The following STMN3 variants were observed in gnomAD, a reference collection of about 807,000 sequenced individuals.
STMN3 encodes stathmin 3.
Under a neutral mutation model 23.2 loss-of-function variants are expected in STMN3, and 24 were observed. The observed-to-expected ratio is 1.03, with a 90% CI of 0.75 to 1.45. The LOEUF is 1.45. STMN3 is among the 40% of genes most tolerant of loss of function. The pLI is 0.00. For synonymous variants in STMN3, 117 were observed against 103.4 expected (o/e 1.13, Z -0.80); for missense variants, 235 against 237.6 (o/e 0.99, Z 0.07).
At position 63,640,904 on chromosome 20, in the gene STMN3, CCTT is replaced by C. The variant is rs1330455223; in HGVS notation, c.*431_*433del. ...CGTCGCCCCTCCCTCATGGGGAGCC[CCTT>C]CCCCCTGGAAAGACAGCAGGTACTG... On this transcript the variant is annotated 3_prime_UTR_variant, in exon 5 of 5. Transcript: ENST00000370053. 3.7e-5 allele frequency: 10 copies of C among 271,334 alleles called. 1 individual carries two copies. The East Asian group carries it at 7.1e-4, about 19-fold the overall frequency. 16.8% of individuals were successfully genotyped at this position (271,334 alleles called of 1,614,324 possible).
intron 3 of STMN3, among the ~76,000 whole-genome samples, chr20:63,642,874 AACCCTGGT>A (rs1339142225): frequency 6.6e-6 from 1 of 152,110 alleles, no homozygotes; most frequent in Non-Finnish European, 1.5e-5. Flanking sequence ...CAGCCCTGTG[AACCCTGGT>A]CTCTGGCCTC....
rs2089759347 is a variant in STMN3 at position 63,641,280 on chromosome 20, A to G, written c.*58T>C. ...TTGCATCTAGACAGAGGTGAACGAA[A>G]CAAAACCAAAACCCGAACGTGTTCT... On this transcript the variant is annotated 3_prime_UTR_variant, in exon 5 of 5. Coordinates refer to ENST00000370053, the MANE Select transcript of STMN3 (RefSeq NM_015894.4). 3.9e-6 allele frequency: 6 copies of G among 1,520,108 alleles called. No homozygotes were observed. The East Asian group carries it at 7.3e-5, about 19-fold the overall frequency. The allele number at this position is 1,520,108 out of a possible 1,614,324, so 94.2% of individuals were successfully genotyped here. A position where few individuals can be genotyped will look rare whatever the true frequency, so the allele number is the denominator to read the frequency against.
At chr20:63,647,399 G>T (rs1334555856) in intron 1 of STMN3, among the ~76,000 whole-genome samples, 2 of 150,724 alleles carry the variant, frequency 1.3e-5, no homozygotes, top group African/African-American at 4.9e-5. Context: ...GGCAGATCAT[G>T]AGGTCAGGAG....
At chr20:63,643,493 C>T (rs534980524) in intron 3 of STMN3, among the ~76,000 whole-genome samples, 1 of 152,160 alleles carries the variant, frequency 6.6e-6, no homozygotes, top group Non-Finnish European at 1.5e-5. Flanking sequence ...GTTGGCCAGG[C>T]TGATCTTGAA....
intron 1 of STMN3, among the ~76,000 whole-genome samples, chr20:63,650,228 T>C (rs570940187): frequency 4.3e-4 from 63 of 147,008 alleles, no homozygotes; most frequent in Non-Finnish European, 7.6e-4. Flanking sequence ...ATCCTTCCCC[T>C]TCACTGACTT....
In STMN3 at chr20:63,652,869, C is replaced by G; in HGVS notation, c.19+458G>C. The G allele has an allele frequency of 1.1e-6, 1 of 876,006 alleles. No homozygotes were observed. The allele number at this position is 876,006 out of a possible 1,614,324, so 54.3% of individuals were successfully genotyped here. A position where few individuals can be genotyped will look rare whatever the true frequency, so the allele number is the denominator to read the frequency against. ...CCCTGTGCTGCACTGGCGCGGGGAG[C>G]GCCGGGTTCCCGGCTGGGGCTTTGG... On this transcript the variant is annotated intron_variant, in intron 1 of 4. Transcript: ENST00000370053. This position sits in a 1 kb window ranked among gnomAD's most constrained non-coding sequence, Gnocchi z 5.3.
chr20:63,650,553 T>C (rs192840954), intron 1 of STMN3, among the ~76,000 whole-genome samples: 1,501 of 106,332 alleles, frequency 0.014, 100 homozygotes, highest in African/African-American at 0.057. Context: ...CGCCCACCCC[T>C]CCCGTCGCCC....
chr20:63,640,885 C>T lies in STMN3; in HGVS notation c.*453G>A. 4.0e-6 allele frequency: 1 copy of T among 250,912 alleles called. No homozygotes were observed. The highest frequency in any genetic ancestry group is 3.8e-5 in the South Asian group (1 of 26,172). 15.5% of individuals were successfully genotyped at this position (250,912 alleles called of 1,614,324 possible). A position where few individuals can be genotyped will look rare whatever the true frequency, so the allele number is the denominator to read the frequency against. On this transcript the variant is annotated 3_prime_UTR_variant, in exon 5 of 5. Transcript: ENST00000370053. ...CACCATCACCCCCCTCCCCCGTCGC[C>T]CCTCCCTCATGGGGAGCCCCTTCCC...
Position 63,647,991 on chromosome 20 carries a change from T to TATATATATATACAC in STMN3, c.20-3683_20-3682insGTGTATATATATAT, listed in dbSNP as rs1288050001. Among the ~76,000 whole-genome samples the TATATATATATACAC allele has an allele frequency of 5.5e-3, 420 of 75,860 alleles. 26 individuals are homozygous for TATATATATATACAC. Among genetic ancestry groups the TATATATATATACAC allele is most frequent in the African/African-American group, 0.01 (207 of 20,610 alleles). 49.8% of individuals were successfully genotyped at this position (75,860 alleles called of 152,430 possible). ...ATATATATATATATACATATATATA[T>TATATATATATACAC]ACAGAGAGAGAGAGAGTAGTGATAG... On this transcript the variant is annotated intron_variant, in intron 1 of 4. Transcript: ENST00000370053.
chr20:63,641,820 G>GCGCCCCTCCGAGCTC (rs1158860871), intron 4 of STMN3, among the ~76,000 whole-genome samples: 4 of 111,596 alleles, frequency 3.6e-5, no homozygotes, highest in Non-Finnish European at 7.5e-5. Flanking sequence ...GCCCCGCTCT[G>GCGCCCCTCCGAGCTC]CGCCCCTCCG....
At chr20:63,647,831 C>T (rs1281718209) in intron 1 of STMN3, among the ~76,000 whole-genome samples, 4 of 113,304 alleles carry the variant, frequency 3.5e-5, no homozygotes, top group African/African-American at 9.5e-5. Flanking sequence ...AATATATATA[C>T]GTATATATGT....
intron 1 of STMN3, among the ~76,000 whole-genome samples, chr20:63,646,650 G>GC (rs879277703): frequency 9.9e-5 from 15 of 152,004 alleles, no homozygotes; most frequent in Admixed American, 2.6e-4. Context: ...ACTGTGCCTG[G>GC]CCTACTTTAT....
Position 63,643,811 on chromosome 20 carries a change from T to C in STMN3, c.236A>G (p.Asp79Gly), listed in dbSNP as rs1178359868. The C allele has an allele frequency of 1.6e-5, 25 of 1,561,330 alleles. No individual in the cohort carries two copies. Among genetic ancestry groups the C allele is most frequent in the Admixed American group, 2.2e-5 (1 of 45,364 alleles). Residue 79 changes from aspartate to glycine, a missense_variant, in exon 3 of 5, where the codon GAC becomes GGC. By Grantham distance (94) the Asp-to-Gly change is moderately conservative. Coordinates refer to ENST00000370053, the MANE Select transcript of STMN3 (RefSeq NM_015894.4). ...CTTTTGCAGCTCCTCCAGGGAGGTGTCCTTCTTCTTGGGTGGGGAGGAGAG... is the reference window on the plus strand; with the variant it reads ...CTTTTGCAGCTCCTCCAGGGAGGTGCCCTTCTTCTTGGGTGGGGAGGAGAG... ...PMLSSPPKKK[D>G]TSLEELQKRL...
intron 2 of STMN3, 90 bp from the exon 3 acceptor site, chr20:63,644,021 A>T: frequency 6.5e-7 from 1 of 1,528,438 alleles, no homozygotes. Context: ...ATCCAACCCC[A>T]GGGCTGGGCG....
rs572527067 is a variant in STMN3, at chr20:63,642,305, C to G, written c.292-6G>C. 1.4e-6 allele frequency: 2 copies of G among 1,474,332 alleles called. No homozygotes were observed. The highest frequency in any genetic ancestry group is 5.1e-5 in the Admixed American group (2 of 39,328). The allele number at this position is 1,474,332 out of a possible 1,614,324, so 91.3% of individuals were successfully genotyped here. On this transcript the variant is annotated splice_polypyrimidine_tract_variant and splice_region_variant and intron_variant, in intron 3 of 4. Coordinates refer to ENST00000370053, the MANE Select transcript of STMN3 (RefSeq NM_015894.4). The stretch of plus-strand genomic sequence containing the variant: ...AGCACCTGCGCCTCCTGCGTCTGTG[C>G]GGGGCCGGCGGGCGCGCGTGAGCGG...
intron 1 of STMN3, among the ~76,000 whole-genome samples, chr20:63,650,248 A>C (rs1200784365): frequency 2.0e-5 from 3 of 151,228 alleles, no homozygotes; most frequent in African/African-American, 4.9e-5. Flanking sequence ...TCAGGGAGTT[A>C]AAAACAATTC....
At position 63,649,275 on chromosome 20, in the gene STMN3, C is replaced by T. The variant is rs115925203; in HGVS notation, c.19+4052G>A. Among the ~76,000 whole-genome samples the T allele has an allele frequency of 3.0e-3, 456 of 152,278 alleles. 2 individuals carry two copies. The highest frequency in any genetic ancestry group is 0.011 in the African/African-American group (440 of 41,578). On this transcript the variant is annotated intron_variant, in intron 1 of 4. Transcript: ENST00000370053. ...GAAGGGCAGATTGGAGGGGGCAGGA[C>T]AGCAGGTCAGGAATTGGCCAACTCT... is the stretch of plus-strand genomic sequence containing the variant.
intron 1 of STMN3, among the ~76,000 whole-genome samples, chr20:63,647,725 A>C (rs1192062454): frequency 8.3e-6 from 1 of 120,548 alleles, no homozygotes; most frequent in Non-Finnish European, 1.8e-5. Context: ...TATATATATT[A>C]TATACATATA....
intron 3 of STMN3, chr20:63,643,540 C>G: frequency 1.3e-6 from 1 of 768,280 alleles, no homozygotes; most frequent in Non-Finnish European, 1.6e-6. Flanking sequence ...CTCAGCTTCC[C>G]AAAGTTCTGG....
Sources: gnomAD v4.1 joint callset for allele counts (sites outside exome capture counted in the v4.1 genomes callset) on GRCh38, gnomAD v4.1.1 for gene constraint, Gnocchi (gnomAD v3.1) non-coding constraint, MANE v1.5 for transcripts, NCBI Gene and HGNC (gene_info 2026-07-23, HGNC 2026-07-21) for gene names.